TBX15: variants seen among roughly 807,000 people sequenced by gnomAD.
TBX15 encodes T-box transcription factor TBX15.
TBX15 carries 18 observed loss-of-function variants against 53.9 expected under a neutral mutation model. The observed-to-expected ratio is 0.33, with a 90% confidence interval of 0.23 to 0.49. The LOEUF is 0.49. Ranked by LOEUF, TBX15 falls within the 20% of genes least tolerant of loss-of-function variation. The pLI is 0.98. For synonymous variants in TBX15, 295 were observed against 278.0 expected (o/e 1.06, Z -0.61); for missense variants, 692 against 749.5 (o/e 0.92, Z 0.90).
chr1:118,940,706 T>G (rs996357840), intron 1 of TBX15, among the ~76,000 whole-genome samples: 28 of 141,470 alleles, frequency 2.0e-4, no homozygotes, highest in African/African-American at 7.0e-4. Context: ...TCTACGCCAA[T>G]GACCAAGCAT....
At chr1:118,903,752 T>A (rs1482197397) in intron 6 of TBX15, among the ~76,000 whole-genome samples, 1 of 152,156 alleles carries the variant, frequency 6.6e-6, no homozygotes, top group Non-Finnish European at 1.5e-5. Flanking sequence ...TCAGGAAATA[T>A]AAAGACAGAA....
intron 1 of TBX15, among the ~76,000 whole-genome samples, chr1:118,972,607 C>CT (rs1299649640): frequency 1.1e-4 from 17 of 150,956 alleles, no homozygotes; most frequent in Non-Finnish European, 1.8e-4. Flanking sequence ...CCTTTCTTTT[C>CT]TTTTTTTTTA....
At chr1:118,897,915 A>G (rs1654484038) in intron 7 of TBX15, among the ~76,000 whole-genome samples, 1 of 152,214 alleles carries the variant, frequency 6.6e-6, no homozygotes, top group Admixed American at 6.5e-5. Context: ...CAGAAAGGCA[A>G]TATTCCTTGG....
intron 1 of TBX15, among the ~76,000 whole-genome samples, chr1:118,962,969 T>A (rs1419416569): frequency 1.3e-5 from 2 of 152,248 alleles, no homozygotes; most frequent in African/African-American, 4.8e-5. Context: ...AGAATGAAAC[T>A]TTTAAGGAAG....
chr1:118,908,862 CACAT>C (rs1266562000), intron 6 of TBX15, among the ~76,000 whole-genome samples: 3 of 151,804 alleles, frequency 2.0e-5, no homozygotes, highest in African/African-American at 7.3e-5. Flanking sequence ...TATACATACA[CACAT>C]AGACACACAC....
At chr1:118,922,510 G>A (rs957526102) in intron 5 of TBX15, among the ~76,000 whole-genome samples, 4 of 152,134 alleles carry the variant, frequency 2.6e-5, no homozygotes, top group East Asian at 1.9e-4. Flanking sequence ...CGAGGCAGGC[G>A]CATTTTCAAG....
intron 1 of TBX15, among the ~76,000 whole-genome samples, chr1:118,973,270 A>G (rs956046926): frequency 1.3e-5 from 2 of 152,168 alleles, no homozygotes; most frequent in African/African-American, 4.8e-5. Context: ...CCTGCAGTTC[A>G]GTGCTACTTC....
At chr1:118,930,551 G>T (rs911390301) in intron 2 of TBX15, among the ~76,000 whole-genome samples, 1 of 152,120 alleles carries the variant, frequency 6.6e-6, no homozygotes, top group African/African-American at 2.4e-5. Context: ...AAGTGGCAGG[G>T]ATTACAGGCA....
chr1:118,923,435 C>A lies in TBX15; in HGVS notation c.861+1G>T. ...GAAGACTCTCAAGGGCCACCTCTTA[C>A]CTGCTGATTCTGATAGGCCGTAACT... is the stretch of plus-strand genomic sequence containing the variant. On this transcript the variant is annotated splice_donor_variant, in intron 5 of 7. Transcript: ENST00000369429. LOFTEE classifies it high-confidence loss of function. 1 of 1,613,832 alleles carries A rather than the reference C, an allele frequency of 6.2e-7. No homozygotes were observed. The highest frequency in any genetic ancestry group is 8.5e-7 in the Non-Finnish European group (1 of 1,179,866).
At chr1:118,939,943 C>A (rs1275913318) in intron 1 of TBX15, among the ~76,000 whole-genome samples, 1 of 151,726 alleles carries the variant, frequency 6.6e-6, no homozygotes, top group Non-Finnish European at 1.5e-5. Flanking sequence ...ATATAAGAAA[C>A]CTGAGGCATG....
chr1:118,963,839 A>T (rs560690144), intron 1 of TBX15, among the ~76,000 whole-genome samples: 1 of 152,350 alleles, frequency 6.6e-6, no homozygotes, highest in East Asian at 1.9e-4. Flanking sequence ...AGCATGATGC[A>T]AGAGTTGATA....
At chr1:118,984,409 G>C (rs953376769) in intron 1 of TBX15, among the ~76,000 whole-genome samples, 2 of 152,254 alleles carry the variant, frequency 1.3e-5, no homozygotes, top group Admixed American at 1.3e-4. Context: ...AGAAGATTTT[G>C]GCGGGAAAGG....
intron 1 of TBX15, among the ~76,000 whole-genome samples, chr1:118,983,822 G>T (rs1461578334): frequency 2.0e-5 from 3 of 152,004 alleles, no homozygotes; most frequent in African/African-American, 7.2e-5. Context: ...TGCGGTCTGA[G>T]CTCCGGCCTG....
chr1:118,959,058 G>A (rs941417258), intron 1 of TBX15, among the ~76,000 whole-genome samples: 2 of 151,474 alleles, frequency 1.3e-5, no homozygotes, highest in Non-Finnish European at 2.9e-5. Flanking sequence ...GAGAGAGTAT[G>A]TGTGTGTGAA....
chr1:118,934,691 CACACCATT>C (rs1655907870), intron 1 of TBX15, among the ~76,000 whole-genome samples: 1 of 152,090 alleles, frequency 6.6e-6, no homozygotes, highest in Non-Finnish European at 1.5e-5. Flanking sequence ...CACAGTTTTC[CACACCATT>C]ACATACTGTC....
Position 118,884,615 on chromosome 1 carries a change from A to AAC in TBX15, c.*116_*117insGT. 1 of 1,307,822 alleles carries AAC rather than the reference A, an allele frequency of 7.6e-7. No homozygotes were observed. 81.0% of individuals were successfully genotyped at this position (1,307,822 alleles called of 1,614,324 possible). On this transcript the variant is annotated 3_prime_UTR_variant, in exon 8 of 8. Coordinates refer to ENST00000369429, the MANE Select transcript of TBX15 (RefSeq NM_001330677.2). ...ATATGTCTTCGGCCAGAAAAAAAAA[A>AAC]AAAAAAAAAACACGGTTCCTGTTTT...
intron 1 of TBX15, among the ~76,000 whole-genome samples, chr1:118,947,466 G>A (rs985922477): frequency 6.6e-6 from 1 of 152,194 alleles, no homozygotes; most frequent in African/African-American, 2.4e-5. Flanking sequence ...TGTGAGTCCT[G>A]ATTCTGACTC....
intron 7 of TBX15, among the ~76,000 whole-genome samples, chr1:118,894,706 C>T (rs1238853685): frequency 1.3e-5 from 2 of 152,080 alleles, no homozygotes; most frequent in South Asian, 2.1e-4. Flanking sequence ...ATCAAGTGTT[C>T]TCCTTCCCCA....
At chr1:118,911,245 C>T (rs890288844) in intron 6 of TBX15, among the ~76,000 whole-genome samples, 1 of 152,108 alleles carries the variant, frequency 6.6e-6, no homozygotes, top group Non-Finnish European at 1.5e-5. Flanking sequence ...TTAGAGAAAG[C>T]GTAATTAAAG....
Sources: allele counts gnomAD v4.1 joint callset (sites outside exome capture counted in the v4.1 genomes callset), GRCh38; gene constraint gnomAD v4.1.1; transcripts MANE v1.5; gene names NCBI Gene and HGNC (gene_info 2026-07-23, HGNC 2026-07-21).